Variants in MDM4 observed in about 807,000 individuals in gnomAD.
MDM4 encodes protein Mdm4.
Under a neutral mutation model 60.2 loss-of-function variants are expected in MDM4, and 2 were observed. The observed-to-expected ratio is 0.03, with a 90% CI of 0.01 to 0.10. MDM4 has a LOEUF of 0.10. MDM4 is among the 10% of genes least tolerant of loss of function. MDM4 has a pLI of 1.00. For synonymous variants in MDM4, 202 were observed against 198.1 expected, an observed-to-expected ratio of 1.02 and a Z score of -0.17; for missense variants, 447 against 577.5, an observed-to-expected ratio of 0.77 and a Z score of 2.32.
At chr1:204,536,754 G>A (rs547109728) in intron 5 of MDM4, among the ~76,000 whole-genome samples, 1 of 152,218 alleles carries the variant, frequency 6.6e-6, no homozygotes, top group South Asian at 2.1e-4. Context: ...GTACTGTGTT[G>A]TTTTCCTTGG....
Position 204,551,513 on chromosome 1 carries a change from T to C in MDM4, c.*1831T>C, listed in dbSNP as rs1292849122. 3 of 163,890 alleles carry C rather than the reference T, an allele frequency of 1.8e-5. No individual in the cohort carries two copies. Among genetic ancestry groups the C allele is most frequent in the African/African-American group, 8.8e-5 (3 of 34,244 alleles). 10.2% of individuals were successfully genotyped at this position (163,890 alleles called of 1,614,324 possible). A position where few individuals can be genotyped will look rare whatever the true frequency, so the allele number is the denominator to read the frequency against. ...TTTGGAGGATAGGGAGTATGGCTGT[T>C]GTGAAAAGGGAGGTAAAGAGAAATG... On this transcript the variant is annotated 3_prime_UTR_variant, in exon 11 of 11. Transcript: ENST00000367182.
intron 8 of MDM4, 114 bp from the exon 9 acceptor site, chr1:204,544,421 A>C (rs1662443609): frequency 1.0e-6 from 1 of 991,140 alleles, no homozygotes; most frequent in South Asian, 1.7e-5. Context: ...TAAAGGCAAG[A>C]TGTTCTTTGG....
chr1:204,538,275 A>C lies in MDM4; in HGVS notation c.478A>C (p.Thr160Pro), dbSNP rs562881470. The change falls in exon 7 of 11, where the codon ACC (threonine) becomes CCC (proline). Residue 160 changes from threonine to proline, a missense_variant. Around this residue, in one of 8 missense-constraint regions of MDM4, gnomAD observed 184 missense variants for 179.3 expected, o/e 1.03. Coordinates refer to ENST00000367182, the MANE Select transcript of MDM4 (RefSeq NM_002393.5). ...TTEDDIPTLPTSEHKCIHSRE... is the reference protein window; with the variant it reads ...TTEDDIPTLPPSEHKCIHSRE... ...AGAAGACGATATCCCCACACTGCCT[A>C]CCTCAGAGCATAAATGCATACATTC... is the stretch of plus-strand genomic sequence containing the variant. The C allele has an allele frequency of 1.9e-6, 3 of 1,606,492 alleles. No individual in the cohort carries two copies. The highest frequency in any genetic ancestry group is 1.7e-4 in the Middle Eastern group (1 of 6,042).
chr1:204,520,092 A>G (rs1294251880), intron 1 of MDM4, among the ~76,000 whole-genome samples: 1 of 152,068 alleles, frequency 6.6e-6, no homozygotes. Flanking sequence ...CCTGGCTAAC[A>G]TGGTGAAACC....
chr1:204,517,487 T>C (rs1230207384), intron 1 of MDM4, among the ~76,000 whole-genome samples: 1 of 151,532 alleles, frequency 6.6e-6, no homozygotes, highest in Non-Finnish European at 1.5e-5. Context: ...CACTGCAACT[T>C]CTGCCTCACG....
Position 204,550,097 on chromosome 1 carries a change from C to T in MDM4, c.*415C>T, listed in dbSNP as rs1303468087. 5 of 234,270 alleles carry T rather than the reference C, an allele frequency of 2.1e-5. No individual in the cohort carries two copies. The highest frequency in any genetic ancestry group is 6.0e-5 in the East Asian group (1 of 16,604). The allele number at this position is 234,270 out of a possible 1,614,324, so 14.5% of individuals were successfully genotyped here. ...ACACTCCCTTCTGCCCCTCTTCAGACAGTCCTTCAGCTATTTCATGGCTCT... is the reference window on the plus strand; with the variant it reads ...ACACTCCCTTCTGCCCCTCTTCAGATAGTCCTTCAGCTATTTCATGGCTCT... On this transcript the variant is annotated 3_prime_UTR_variant, in exon 11 of 11. Coordinates refer to ENST00000367182, the MANE Select transcript of MDM4 (RefSeq NM_002393.5).
chr1:204,539,309 T>G (rs1163099353), intron 7 of MDM4, among the ~76,000 whole-genome samples: 1 of 151,954 alleles, frequency 6.6e-6, no homozygotes, highest in Non-Finnish European at 1.5e-5. Context: ...TTTTGAAGTT[T>G]GCAAAGATGA....
rs777631589 is a variant in MDM4 at position 204,526,407 on chromosome 1, G to A, written c.126G>A (p.Ala42=). Residue 42 remains alanine, a synonymous_variant, in exon 3 of 11, where the codon GCG becomes GCA. Coordinates refer to ENST00000367182, the MANE Select transcript of MDM4 (RefSeq NM_002393.5). ...TGAAGATTTTGCATGCAGCAGGTGCGCAAGGTGAAATGTTCACTGTTAAAG... is the reference window on the plus strand; with the variant it reads ...TGAAGATTTTGCATGCAGCAGGTGCACAAGGTGAAATGTTCACTGTTAAAG... ...PLLKILHAAG[A]QGEMFTVKEV... 8.1e-6 allele frequency: 13 copies of A among 1,613,386 alleles called. No individual in the cohort carries two copies. Among genetic ancestry groups the A allele is most frequent in the South Asian group, 1.1e-5 (1 of 91,058 alleles).
At position 204,542,763 on chromosome 1, in the gene MDM4, CT is replaced by C; in HGVS notation, c.512-17del. The C allele has an allele frequency of 1.3e-6, 2 of 1,577,922 alleles. No homozygotes were observed. Among genetic ancestry groups the C allele is most frequent in the Non-Finnish European group, 1.7e-6 (2 of 1,153,688 alleles). ...TTACGTATTGTGCATAGTTATCATT[CT>C]TTTCATTTGACTTCTATAGATGAAG... On this transcript the variant is annotated intron_variant, in intron 7 of 10. Transcript: ENST00000367182.
At chr1:204,536,935 A>T in intron 5 of MDM4, 1 of 410,118 alleles carries the variant, frequency 2.4e-6, no homozygotes. Flanking sequence ...CTTTAGATGA[A>T]GATGCTATTG....
chr1:204,529,068 A>G (rs1572471303), intron 3 of MDM4: 1 of 1,469,470 alleles, frequency 6.8e-7, no homozygotes, highest in Non-Finnish European at 9.4e-7. Context: ...CATTTGGGAC[A>G]GAGCTTGCTG....
chr1:204,523,473 A>ATTTT (rs60954516), intron 1 of MDM4, among the ~76,000 whole-genome samples: 2,078 of 58,986 alleles, frequency 0.035, 200 homozygotes, highest in Non-Finnish European at 0.045. Context: ...CCTAAAAAAA[A>ATTTT]TTTTTTTTTT....
intron 5 of MDM4, among the ~76,000 whole-genome samples, chr1:204,533,684 T>G (rs764365717): frequency 6.6e-6 from 1 of 152,244 alleles, no homozygotes; most frequent in African/African-American, 2.4e-5. Context: ...GATAGTTTAC[T>G]GAACTGTCTT....
At chr1:204,542,668 C>T in intron 7 of MDM4, 116 bp from the exon 8 acceptor site, 2 of 766,936 alleles carry the variant, frequency 2.6e-6, no homozygotes, top group Non-Finnish European at 3.9e-6. Flanking sequence ...TTCTTTCTTT[C>T]TTAGAACAGG....
intron 1 of MDM4, among the ~76,000 whole-genome samples, chr1:204,516,900 G>T (rs1659031437): frequency 6.6e-6 from 1 of 152,132 alleles, no homozygotes; most frequent in African/African-American, 2.4e-5. Context: ...TTAGTTTTTA[G>T]GTCTGCGGAC....
intron 1 of MDM4, among the ~76,000 whole-genome samples, chr1:204,520,277 C>CAAA (rs35340106): frequency 3.1e-5 from 2 of 65,462 alleles, no homozygotes; most frequent in African/African-American, 9.8e-5. Flanking sequence ...GACTCCATCT[C>CAAA]AAAAAAAAAA....
chr1:204,518,884 T>C (rs1368066601), intron 1 of MDM4, among the ~76,000 whole-genome samples: 4 of 152,226 alleles, frequency 2.6e-5, no homozygotes, highest in South Asian at 2.1e-4. Context: ...CAGGCTGGTC[T>C]TGAACTCCTG....
rs896427347 is a variant in MDM4 at position 204,553,789 on chromosome 1, T to A, written c.*4107T>A. 36 of 221,440 alleles carry A rather than the reference T, an allele frequency of 1.6e-4. 1 individual carries two copies. The Admixed American group carries it at 1.7e-3, about 10-fold the overall frequency. 13.7% of individuals were successfully genotyped at this position (221,440 alleles called of 1,614,324 possible). A position where few individuals can be genotyped will look rare whatever the true frequency, so the allele number is the denominator to read the frequency against. On this transcript the variant is annotated 3_prime_UTR_variant, in exon 11 of 11. Transcript: ENST00000367182. ...CTTCACAGTAATTGGTATGCTTTTT[T>A]ATTTAATGCTTAAATCAAACTTTAT...
At chr1:204,531,320 G>A (rs1423614005) in intron 4 of MDM4, among the ~76,000 whole-genome samples, 1 of 152,168 alleles carries the variant, frequency 6.6e-6, no homozygotes, top group Non-Finnish European at 1.5e-5. Context: ...GAGGAAGAGT[G>A]AGCAGATGAG....
Sources: allele counts gnomAD v4.1 joint callset (sites outside exome capture counted in the v4.1 genomes callset), GRCh38; gene constraint gnomAD v4.1.1; regional missense constraint gnomAD v4.1.1; transcripts MANE v1.5; gene names NCBI Gene and HGNC (gene_info 2026-07-23, HGNC 2026-07-21).